The following INTS10 variants were observed in gnomAD, a reference collection of about 807,000 sequenced individuals.
INTS10 encodes the protein chromosome 8 open reading frame 35.
INTS10 carries 44 observed loss-of-function variants against 94.4 expected under a neutral mutation model. That is an observed-to-expected ratio of 0.47 (90% CI 0.37 to 0.60). INTS10 has a LOEUF of 0.60. INTS10 is among the 20% of genes least tolerant of loss of function. The probability of loss-of-function intolerance (pLI) is 0.00; values close to 1 mark genes in which losing one functional copy is unlikely to be tolerated. For synonymous variants in INTS10, 341 were observed against 320.7 expected (o/e 1.06, Z -0.68); for missense variants, 797 against 868.7 (o/e 0.92, Z 1.04).
intron 8 of INTS10, 42 bp downstream of exon 8, chr8:19,825,014 A>C: frequency 6.6e-7 from 1 of 1,521,506 alleles, no homozygotes; most frequent in Non-Finnish European, 9.1e-7. Context: ...GCCAGTTCAT[A>C]CTGTGGGGAT....
chr8:19,836,362 G>T lies in INTS10; in HGVS notation c.1531-690G>T, dbSNP rs575459931. Among the ~76,000 whole-genome samples, 3 of 152,268 alleles carry T rather than the reference G, an allele frequency of 2.0e-5. No homozygotes were observed. The East Asian group carries it at 5.8e-4, about 29-fold the overall frequency. ...TAGATAGAGAGGGAGCGGTGATGCA[G>T]ACTGTCTGGATCAAGGGCAGCCTGC... On this transcript the variant is annotated intron_variant, in intron 12 of 16. Coordinates refer to ENST00000397977, the MANE Select transcript of INTS10 (RefSeq NM_018142.4).
Position 19,846,696 on chromosome 8 carries a change from G to T in INTS10, c.1976+899G>T, listed in dbSNP as rs1401766379. Among the ~76,000 whole-genome samples, 1 of 152,098 alleles carries T rather than the reference G, an allele frequency of 6.6e-6. No homozygotes were observed. Among genetic ancestry groups the T allele is most frequent in the Admixed American group, 6.5e-5 (1 of 15,270 alleles). The stretch of plus-strand genomic sequence containing the variant: ...ACTCACAAGATGTTACTAAAATTCC[G>T]GGTTGGCCCAGATGAAAATGCCAAA... On this transcript the variant is annotated intron_variant, in intron 16 of 16. Coordinates refer to ENST00000397977, the MANE Select transcript of INTS10 (RefSeq NM_018142.4). The surrounding 1 kb of genome is among the most constrained non-coding windows in gnomAD (Gnocchi z 4.2).
At chr8:19,844,014 G>A in intron 14 of INTS10, 62 bp from the exon 15 acceptor site, 1 of 1,337,884 alleles carries the variant, frequency 7.5e-7, no homozygotes. Flanking sequence ...GATGTTTGCT[G>A]TATTTCAGAT....
At chr8:19,835,491 C>T (rs149259272) in intron 12 of INTS10, among the ~76,000 whole-genome samples, 368 of 152,288 alleles carry the variant, frequency 2.4e-3, no homozygotes, top group African/African-American at 8.3e-3. Flanking sequence ...AGTCCTCAGT[C>T]ATAGGCACAA....
intron 16 of INTS10, 169 bp downstream of exon 16, chr8:19,845,966 CT>C (rs2068546731): frequency 4.0e-6 from 2 of 505,076 alleles, no homozygotes; most frequent in Non-Finnish European, 7.1e-6. Flanking sequence ...CTTGCATTTC[CT>C]TAACTACATT....
chr8:19,824,730 A>G (rs1589941893), intron 7 of INTS10, 73 bp from the exon 8 acceptor site: 1 of 1,020,666 alleles, frequency 9.8e-7, no homozygotes, highest in Non-Finnish European at 1.4e-6. Context: ...TGGTACCACC[A>G]GAGCTTTTCT....
At chr8:19,823,675 C>G (rs1273680537) in intron 6 of INTS10, among the ~76,000 whole-genome samples, 198 bp from the exon 7 acceptor site, 1 of 152,118 alleles carries the variant, frequency 6.6e-6, no homozygotes, top group Non-Finnish European at 1.5e-5. Context: ...TGGAACATTA[C>G]AAATGTACCA....
At position 19,849,640 on chromosome 8, in the gene INTS10, A is replaced by T. The variant is rs1403647332; in HGVS notation, c.1977-2009A>T. ...TGGATACTCATATGAGTGACCAGTC[A>T]TTATGGTCATATTAGCAATTAGTTG... On this transcript the variant is annotated intron_variant, in intron 16 of 16. Coordinates refer to ENST00000397977, the MANE Select transcript of INTS10 (RefSeq NM_018142.4). This position sits in a 1 kb window ranked among gnomAD's most constrained non-coding sequence, Gnocchi z 4.6. Among the ~76,000 whole-genome samples, 1 of 152,200 alleles carries T rather than the reference A, an allele frequency of 6.6e-6. No homozygotes were observed. The highest frequency in any genetic ancestry group is 2.4e-5 in the African/African-American group (1 of 41,452).
At chr8:19,828,086 C>T (rs987897919) in intron 9 of INTS10, among the ~76,000 whole-genome samples, 2 of 151,992 alleles carry the variant, frequency 1.3e-5, no homozygotes, top group Non-Finnish European at 2.9e-5. Flanking sequence ...TGGCATGCAC[C>T]TATCATCCCA....
intron 9 of INTS10, among the ~76,000 whole-genome samples, chr8:19,829,957 C>T (rs1387339798): frequency 6.6e-6 from 1 of 152,158 alleles, no homozygotes; most frequent in Non-Finnish European, 1.5e-5. Context: ...CATAAGCTGC[C>T]ACGCCCGGCC....
intron 13 of INTS10, among the ~76,000 whole-genome samples, chr8:19,839,836 G>A (rs2067980707): frequency 6.6e-6 from 1 of 152,140 alleles, no homozygotes; most frequent in Admixed American, 6.5e-5. Flanking sequence ...GCCGAGGCAG[G>A]TGGATCACTT....
chr8:19,838,402 T>A (rs899261819), intron 13 of INTS10, among the ~76,000 whole-genome samples: 2 of 151,912 alleles, frequency 1.3e-5, no homozygotes, highest in Non-Finnish European at 2.9e-5. Flanking sequence ...AGAAAGAAAA[T>A]AAATAAATCA....
rs187521242 is a variant in INTS10 at position 19,842,635 on chromosome 8, G to C, written c.1640-213G>C. Among the ~76,000 whole-genome samples the C allele has an allele frequency of 9.9e-5, 15 of 152,224 alleles. No individual in the cohort carries two copies. In the Middle Eastern group the frequency reaches 0.014, roughly 138 times the overall value. ...CATAAAAAGTATTTAAGCAAGTTTA[G>C]GAAAGAATATTGATAAATGAAATCT... On this transcript the variant is annotated intron_variant, in intron 13 of 16. Coordinates refer to ENST00000397977, the MANE Select transcript of INTS10 (RefSeq NM_018142.4).
intron 4 of INTS10, chr8:19,821,136 C>T (rs1445232542): frequency 6.6e-6 from 1 of 152,160 alleles, no homozygotes; most frequent in African/African-American, 2.4e-5. Context: ...GGCGTCTGGC[C>T]CGGGTTAATC....
At chr8:19,826,674 A>G in intron 9 of INTS10, 115 bp downstream of exon 9, 1 of 931,956 alleles carries the variant, frequency 1.1e-6, no homozygotes, top group East Asian at 2.9e-5. Flanking sequence ...TTAAAATTGT[A>G]TGATATATTA....
rs2067146398 is a variant in INTS10, at chr8:19,830,513, C to T, written c.1248C>T (p.Ala416=). The T allele has an allele frequency of 6.2e-7, 1 of 1,614,044 alleles. No individual in the cohort carries two copies. Among genetic ancestry groups the T allele is most frequent in the Non-Finnish European group, 8.5e-7 (1 of 1,179,966 alleles). Residue 416 remains alanine, a synonymous_variant, in exon 10 of 17, where the codon GCC becomes GCT. Transcript: ENST00000397977. The part of the protein sequence containing the change: ...STEVLESFKL[A]RESWELLYSL... ...AAGTGTTAGAAAGCTTTAAATTGGCCAGGGAGAGCTGGGAGTTGCTCTATT... is the reference window on the plus strand; with the variant it reads ...AAGTGTTAGAAAGCTTTAAATTGGCTAGGGAGAGCTGGGAGTTGCTCTATT...
chr8:19,839,251 G>C (rs376666496), intron 13 of INTS10, among the ~76,000 whole-genome samples: 2 of 152,156 alleles, frequency 1.3e-5, no homozygotes, highest in Non-Finnish European at 2.9e-5. Flanking sequence ...TAACTATGAA[G>C]TATTGAATGC....
chr8:19,840,248 T>C (rs1328731962), intron 13 of INTS10, among the ~76,000 whole-genome samples: 1 of 152,142 alleles, frequency 6.6e-6, no homozygotes, highest in Non-Finnish European at 1.5e-5. Context: ...ACCTCCACTT[T>C]GAATATCAGA....
chr8:19,834,547 T>C (rs1042094113), intron 12 of INTS10, among the ~76,000 whole-genome samples: 1 of 152,220 alleles, frequency 6.6e-6, no homozygotes, highest in Non-Finnish European at 1.5e-5. Context: ...ACTAACTTCA[T>C]TGTAGTAGGG....
Sources: allele counts gnomAD v4.1 joint callset (sites outside exome capture counted in the v4.1 genomes callset), GRCh38; gene constraint gnomAD v4.1.1; non-coding constraint Gnocchi (gnomAD v3.1); transcripts MANE v1.5; gene names NCBI Gene and HGNC (gene_info 2026-07-23, HGNC 2026-07-21).